The following ADCY2 variants were observed in gnomAD, a reference collection of about 807,000 sequenced individuals.
ADCY2 encodes adenylate cyclase 2.
In ADCY2, 31 loss-of-function variants were observed where a neutral mutation model predicts 125.2. That is an observed-to-expected ratio of 0.25 (90% CI 0.19 to 0.33). The LOEUF (loss-of-function observed/expected upper bound fraction) is 0.33, where lower values mean the gene tolerates loss of function less well. ADCY2 is among the 10% of genes least tolerant of loss of function. The pLI is 1.00. For missense variants in ADCY2, 904 were observed against 1,418.2 expected (o/e 0.64, Z 5.82); for synonymous variants, 512 against 548.4 (o/e 0.93, Z 0.93).
intron 14 of ADCY2, among the ~76,000 whole-genome samples, chr5:7,733,426 T>C (rs1742163423): frequency 6.6e-6 from 1 of 152,212 alleles, no homozygotes; most frequent in Non-Finnish European, 1.5e-5. Flanking sequence ...AATTTTGTTT[T>C]ATTTTGTCCT....
intron 2 of ADCY2, among the ~76,000 whole-genome samples, chr5:7,418,420 G>T (rs1264480991): frequency 6.6e-6 from 1 of 152,102 alleles, no homozygotes; most frequent in Non-Finnish European, 1.5e-5. Flanking sequence ...GCTTAGAAAA[G>T]GCCATAGCCA....
chr5:7,665,804 G>A (rs1412896619), intron 4 of ADCY2, among the ~76,000 whole-genome samples: 1 of 66,126 alleles, frequency 1.5e-5, no homozygotes, highest in Admixed American at 1.4e-4. Context: ...GTCTATTTAT[G>A]TTTTGTTTTT....
chr5:7,515,384 C>G (rs932349808), intron 2 of ADCY2, among the ~76,000 whole-genome samples: 1 of 152,142 alleles, frequency 6.6e-6, no homozygotes, highest in Non-Finnish European at 1.5e-5. Context: ...TAGGCAGGAG[C>G]AGATGTGCTG....
At chr5:7,757,026 G>A (rs1351485872) in intron 15 of ADCY2, among the ~76,000 whole-genome samples, 1 of 152,180 alleles carries the variant, frequency 6.6e-6, no homozygotes, top group East Asian at 1.9e-4. Flanking sequence ...TGCTAATGCA[G>A]TGTTAAAAGG....
chr5:7,447,367 AT>A (rs1186130165), intron 2 of ADCY2, among the ~76,000 whole-genome samples: 1 of 152,136 alleles, frequency 6.6e-6, no homozygotes, highest in Non-Finnish European at 1.5e-5. Context: ...TTGCAGCATC[AT>A]CCTGGCAGTG....
chr5:7,694,982 T>C (rs1429732006), intron 5 of ADCY2, among the ~76,000 whole-genome samples: 1 of 152,244 alleles, frequency 6.6e-6, no homozygotes, highest in Non-Finnish European at 1.5e-5. Context: ...ATAGTAGTTG[T>C]TTTGTTCCAT....
At chr5:7,586,547 G>A (rs766789832) in intron 3 of ADCY2, among the ~76,000 whole-genome samples, 14 of 152,008 alleles carry the variant, frequency 9.2e-5, no homozygotes, top group African/African-American at 1.9e-4. Context: ...AATTCAACCC[G>A]TAACATTTGC....
intron 7 of ADCY2, among the ~76,000 whole-genome samples, chr5:7,702,225 C>CTTT (rs67174135): frequency 1.5e-5 from 2 of 131,166 alleles, no homozygotes; most frequent in African/African-American, 2.9e-5. Context: ...AACCCTGTTT[C>CTTT]TTTTTTTTTT....
Position 7,580,569 on chromosome 5 carries a change from G to A in ADCY2, c.571-45598G>A, listed in dbSNP as rs573962165. The stretch of plus-strand genomic sequence containing the variant: ...ACAGGGAGAAAAATGATTTTTTTAA[G>A]ACAGCAAAGGCTCAGTAATCTATAT... On this transcript the variant is annotated intron_variant, in intron 3 of 24. Coordinates refer to ENST00000338316, the MANE Select transcript of ADCY2 (RefSeq NM_020546.3). Among the ~76,000 whole-genome samples the A allele has an allele frequency of 8.5e-5, 13 of 152,232 alleles. No individual in the cohort carries two copies. In the South Asian group the frequency reaches 2.7e-3, roughly 32 times the overall value.
chr5:7,525,916 C>T (rs560003485), intron 3 of ADCY2, among the ~76,000 whole-genome samples: 4 of 152,278 alleles, frequency 2.6e-5, no homozygotes, highest in South Asian at 4.1e-4. Context: ...TTGGCTCCTG[C>T]TCTGATCCCT....
intron 4 of ADCY2, among the ~76,000 whole-genome samples, chr5:7,670,908 G>C (rs558679429): frequency 1.3e-5 from 2 of 152,112 alleles, no homozygotes; most frequent in Non-Finnish European, 2.9e-5. Flanking sequence ...TTGGGGGTTG[G>C]GGACCCCTAC....
intron 3 of ADCY2, among the ~76,000 whole-genome samples, chr5:7,569,185 G>T (rs1735997012): frequency 6.6e-6 from 1 of 152,150 alleles, no homozygotes; most frequent in Non-Finnish European, 1.5e-5. Flanking sequence ...ACCAAAGAAA[G>T]AACTTTTCAA....
chr5:7,511,108 A>G (rs1744039955), intron 2 of ADCY2, among the ~76,000 whole-genome samples: 1 of 152,092 alleles, frequency 6.6e-6, no homozygotes, highest in African/African-American at 2.4e-5. Context: ...GCAAATCTTC[A>G]TTGAGGTTTT....
chr5:7,534,648 C>G (rs1553244), intron 3 of ADCY2, among the ~76,000 whole-genome samples: 1 of 152,016 alleles, frequency 6.6e-6, no homozygotes, highest in African/African-American at 2.4e-5. Context: ...TTTAAGGACT[C>G]ATGCAGCTCA....
At chr5:7,520,609 G>C in intron 2 of ADCY2, 129 bp from the exon 3 acceptor site, 1 of 985,230 alleles carries the variant, frequency 1.0e-6, no homozygotes, top group East Asian at 2.5e-5. Flanking sequence ...GCCCTATTTT[G>C]TCTATAGATT....
chr5:7,486,420 A>G (rs1189716660), intron 2 of ADCY2, among the ~76,000 whole-genome samples: 1 of 152,222 alleles, frequency 6.6e-6, no homozygotes, highest in Non-Finnish European at 1.5e-5. Context: ...AATTTCTCCA[A>G]GTTATTTTTA....
At chr5:7,447,345 A>C (rs1040383754) in intron 2 of ADCY2, among the ~76,000 whole-genome samples, 1 of 152,182 alleles carries the variant, frequency 6.6e-6, no homozygotes, top group Non-Finnish European at 1.5e-5. Context: ...CCTGCCCCTC[A>C]GAGGAAAGGG....
intron 14 of ADCY2, among the ~76,000 whole-genome samples, chr5:7,728,075 T>C (rs1050476777): frequency 4.6e-5 from 7 of 152,188 alleles, no homozygotes; most frequent in Non-Finnish European, 8.8e-5. Flanking sequence ...ATTTTTTTCT[T>C]TCTTAACCTA....
intron 15 of ADCY2, among the ~76,000 whole-genome samples, chr5:7,750,739 G>C (rs541217901): frequency 6.6e-6 from 1 of 151,814 alleles, no homozygotes; most frequent in East Asian, 1.9e-4. Flanking sequence ...AACTGTTGTA[G>C]ACACTTGGTC....
Sources: allele counts gnomAD v4.1 joint callset (sites outside exome capture counted in the v4.1 genomes callset), GRCh38; gene constraint gnomAD v4.1.1; transcripts MANE v1.5; gene names NCBI Gene and HGNC (gene_info 2026-07-23, HGNC 2026-07-21).